Variants in CACNA1A observed in about 807,000 individuals in gnomAD.
CACNA1A encodes voltage-dependent P/Q-type calcium channel subunit alpha-1A.
In CACNA1A, 57 loss-of-function variants were observed where a neutral mutation model predicts 262.4. The observed-to-expected ratio is 0.22, with a 90% CI of 0.18 to 0.27. The LOEUF (loss-of-function observed/expected upper bound fraction) is 0.27, where lower values mean the gene tolerates loss of function less well. Ranked by LOEUF, CACNA1A falls within the 10% of genes least tolerant of loss-of-function variation. The pLI is 1.00. For synonymous variants in CACNA1A, 1,431 were observed against 1,419.3 expected (o/e 1.01, Z -0.18); for missense variants, 2,526 against 3,562.8 (o/e 0.71, Z 7.41).
chr19:13,333,949 T>C (rs1283897467), intron 8 of CACNA1A: 1 of 168,532 alleles, frequency 5.9e-6, no homozygotes, highest in African/African-American at 2.4e-5. Context: ...GTTTGTTAAA[T>C]GGCTGAACAA....
At position 13,207,337 on chromosome 19, in the gene CACNA1A, G is replaced by C; in HGVS notation, c.7497C>G (p.Ser2499Arg). The C allele has an allele frequency of 2.6e-6, 4 of 1,561,696 alleles. No individual in the cohort carries two copies. Among genetic ancestry groups the C allele is most frequent in the Non-Finnish European group, 3.4e-6 (4 of 1,161,250 alleles). ...CTTAGCACCAATCATCGTCACTCTCGCTGTAGGGTTCGTGCAGGCCCTTCC... is the reference window on the plus strand; with the variant it reads ...CTTAGCACCAATCATCGTCACTCTCCCTGTAGGGTTCGTGCAGGCCCTTCC... ...GSRKGLHEPY[S>R]ESDDDWC is the part of the protein sequence containing the mutation. The change falls in exon 47 of 47, where the codon AGC (serine) becomes AGG (arginine). Residue 2499 changes from serine (S) to arginine (R), a missense_variant. Transcript: ENST00000360228. This position sits in a 1 kb window ranked among gnomAD's most constrained non-coding sequence, Gnocchi z 5.7.
At chr19:13,341,675 G>C (rs1354819007) in intron 6 of CACNA1A, among the ~76,000 whole-genome samples, 1 of 152,062 alleles carries the variant, frequency 6.6e-6, no homozygotes, top group Admixed American at 6.6e-5. Context: ...CCTCCTTCAG[G>C]TTTTTTACTC....
At chr19:13,450,629 A>G (rs1193090716) in intron 3 of CACNA1A, 2 of 152,222 alleles carry the variant, frequency 1.3e-5, no homozygotes, top group Non-Finnish European at 2.9e-5. Flanking sequence ...CCTGGCACAC[A>G]GAAGTGTTCA....
intron 3 of CACNA1A, among the ~76,000 whole-genome samples, chr19:13,376,163 A>G (rs568913813): frequency 1.3e-5 from 2 of 152,364 alleles, no homozygotes; most frequent in South Asian, 2.1e-4. Flanking sequence ...AAGCTGCAGT[A>G]AGTTATCCAG....
chr19:13,446,429 G>A (rs555400005), intron 3 of CACNA1A, among the ~76,000 whole-genome samples: 11 of 145,612 alleles, frequency 7.6e-5, no homozygotes, highest in Non-Finnish European at 1.3e-4. Flanking sequence ...GTGTGCGCGC[G>A]TGTTTTTTCT....
intron 3 of CACNA1A, among the ~76,000 whole-genome samples, chr19:13,397,192 G>C (rs1401152702): frequency 1.3e-5 from 2 of 152,160 alleles, no homozygotes; most frequent in Non-Finnish European, 2.9e-5. Flanking sequence ...CCCAGTTTCT[G>C]AGGTCAAAGT....
chr19:13,241,630 A>T lies in CACNA1A; in HGVS notation c.4950+3552T>A. ...GATTTGTAACCAGTGCCAAAAAACC[A>T]ATGGGTTTCGGTTCCCGGGCGGGGA... On this transcript the variant is annotated intron_variant, in intron 31 of 46. Coordinates refer to ENST00000360228, the MANE Select transcript of CACNA1A (RefSeq NM_001127222.2). The surrounding 1 kb of genome is among the most constrained non-coding windows in gnomAD (Gnocchi z 4.0). 1 of 711,072 alleles carries T rather than the reference A, an allele frequency of 1.4e-6. No homozygotes were observed. The highest frequency in any genetic ancestry group is 2.5e-6 in the Non-Finnish European group (1 of 400,294). The allele number at this position is 711,072 out of a possible 1,614,324, so 44.0% of individuals were successfully genotyped here.
chr19:13,478,954 A>G (rs1978912045), intron 1 of CACNA1A, among the ~76,000 whole-genome samples: 1 of 152,212 alleles, frequency 6.6e-6, no homozygotes, highest in South Asian at 2.1e-4. Context: ...TGGGTGGATC[A>G]CCTGAGGTCA....
Position 13,506,408 on chromosome 19 carries a change from G to C in CACNA1A, c.-184C>G. On this transcript the variant is annotated 5_prime_UTR_variant, in exon 1 of 47. Transcript: ENST00000360228. ...GCGGCGGCTCGGCGCCTCGGGTCGG[G>C]GGCTCAGAAGGCGGCTGCCCGGGCC... 2.4e-6 allele frequency: 1 copy of C among 423,454 alleles called. No individual in the cohort carries two copies. The highest frequency in any genetic ancestry group is 4.0e-6 in the Non-Finnish European group (1 of 251,046). The allele number at this position is 423,454 out of a possible 1,614,324, so 26.2% of individuals were successfully genotyped here. A position where few individuals can be genotyped will look rare whatever the true frequency, so the allele number is the denominator to read the frequency against.
intron 3 of CACNA1A, among the ~76,000 whole-genome samples, chr19:13,435,412 A>G (rs2144851360): frequency 6.6e-6 from 1 of 151,988 alleles, no homozygotes; most frequent in Non-Finnish European, 1.5e-5. Context: ...AGCCCCAGCC[A>G]AGCATCTCGT....
chr19:13,229,062 T>TGGG (rs61098915), intron 36 of CACNA1A: 10 of 183,838 alleles, frequency 5.4e-5, no homozygotes, highest in African/African-American at 2.4e-4. Context: ...GCTACAGGGG[T>TGGG]GGGGGGGGGC....
chr19:13,251,769 TTTATTA>T lies in CACNA1A; in HGVS notation c.4866+1216_4866+1221del, dbSNP rs953723441. Among the ~76,000 whole-genome samples, 92 of 152,192 alleles carry T rather than the reference TTTATTA, an allele frequency of 6.0e-4. 1 individual carries two copies. The highest frequency in any genetic ancestry group is 2.0e-3 in the African/African-American group (82 of 41,526). On this transcript the variant is annotated intron_variant, in intron 30 of 46. Transcript: ENST00000360228. ...GGTGAAAAATAAAGACATATTTATT[TTTATTA>T]TTATTATTTTTTTGAGACTTGCTCT...
At chr19:13,389,248 T>C (rs1051987549) in intron 3 of CACNA1A, among the ~76,000 whole-genome samples, 1 of 152,132 alleles carries the variant, frequency 6.6e-6, no homozygotes, top group Admixed American at 6.5e-5. Flanking sequence ...CTGTCGGATA[T>C]GCGGTCTGGA....
rs149092564 is a variant in CACNA1A at position 13,470,750 on chromosome 19, G to C, written c.294-15538C>G. On this transcript the variant is annotated intron_variant, in intron 1 of 46. Transcript: ENST00000360228. ...CCTTCTGGGTTGGCTTGGCCAACGGGAGGCACCAGCAAGAGATCAGAGAGG... is the reference window on the plus strand; with the variant it reads ...CCTTCTGGGTTGGCTTGGCCAACGGCAGGCACCAGCAAGAGATCAGAGAGG... Among the ~76,000 whole-genome samples the C allele has an allele frequency of 1.3e-4, 20 of 152,290 alleles. No individual in the cohort carries two copies. In the South Asian group the frequency reaches 4.2e-3, roughly 32 times the overall value.
intron 37 of CACNA1A, chr19:13,225,650 G>A (rs2055407810): frequency 6.6e-6 from 1 of 152,000 alleles, no homozygotes; most frequent in Admixed American, 6.6e-5. Flanking sequence ...AGACACAAGT[G>A]GGCAGGAAAC....
intron 24 of CACNA1A, among the ~76,000 whole-genome samples, chr19:13,264,754 A>C (rs1243148216): frequency 6.6e-6 from 1 of 152,066 alleles, no homozygotes; most frequent in Non-Finnish European, 1.5e-5. Context: ...GGCTCCTGCC[A>C]GCTCCTATGT....
At chr19:13,294,487 CTTTT>C (rs780908964) in intron 19 of CACNA1A, among the ~76,000 whole-genome samples, 189 of 72,512 alleles carry the variant, frequency 2.6e-3, no homozygotes, top group South Asian at 4.8e-3. Context: ...CTGTACCTGG[CTTTT>C]TTTTTTTTTT....
At chr19:13,447,873 T>A (rs1381146628) in intron 3 of CACNA1A, among the ~76,000 whole-genome samples, 1 of 152,192 alleles carries the variant, frequency 6.6e-6, no homozygotes, top group Non-Finnish European at 1.5e-5. Context: ...TGGCAGCTGA[T>A]TAGATGGTGC....
intron 20 of CACNA1A, among the ~76,000 whole-genome samples, chr19:13,285,987 C>T (rs922106027): frequency 5.2e-5 from 7 of 134,918 alleles, no homozygotes; most frequent in African/African-American, 2.0e-4. Flanking sequence ...GAGACAGTCT[C>T]GCTTTGTCAC....
Sources: allele counts gnomAD v4.1 joint callset (sites outside exome capture counted in the v4.1 genomes callset), GRCh38; gene constraint gnomAD v4.1.1; non-coding constraint Gnocchi (gnomAD v3.1); transcripts MANE v1.5; gene names NCBI Gene and HGNC (gene_info 2026-07-23, HGNC 2026-07-21).